The following GRAMD2B variants were observed in gnomAD, a reference collection of about 807,000 sequenced individuals.
GRAMD2B encodes GRAM domain containing 2B.
A neutral mutation model predicts 59.2 loss-of-function variants in GRAMD2B; 41 were observed. The ratio of observed to expected loss-of-function variants is 0.69; its 90% confidence interval spans 0.54 to 0.90. The LOEUF (loss-of-function observed/expected upper bound fraction) is 0.90, where lower values mean the gene tolerates loss of function less well. GRAMD2B is among the 40% of genes least tolerant of loss of function. The pLI, the probability that GRAMD2B is intolerant of heterozygous loss-of-function variation, is 0.00. For missense variants in GRAMD2B, 424 were observed against 500.5 expected (o/e 0.85, Z 1.46); for synonymous variants, 161 against 182.7 (o/e 0.88, Z 0.96).
At chr5:126,437,080 A>G (rs1476507870) in intron 1 of GRAMD2B, among the ~76,000 whole-genome samples, 2 of 152,226 alleles carry the variant, frequency 1.3e-5, no homozygotes, top group Non-Finnish European at 2.9e-5. Flanking sequence ...TGGTTTATCT[A>G]TAAGGCACAG....
upstream of GRAMD2B, among the ~76,000 whole-genome samples, chr5:126,421,283 G>A (rs930417125): frequency 5.3e-5 from 8 of 152,158 alleles, no homozygotes; most frequent in African/African-American, 1.2e-4. Flanking sequence ...ATTACTTAGC[G>A]GGGAAAAGTC....
At chr5:126,388,601 C>T (rs1201145585) in intron 1 of GRAMD2B, among the ~76,000 whole-genome samples, 2 of 151,280 alleles carry the variant, frequency 1.3e-5, no homozygotes, top group African/African-American at 4.9e-5. Flanking sequence ...TTATTCCCTA[C>T]ACAATCATCA....
intron 8 of GRAMD2B, among the ~76,000 whole-genome samples, chr5:126,481,204 AAAGAAAGAAAGAAAG>A (rs1174247278): frequency 0.13 from 368 of 2,874 alleles, 5 homozygotes; most frequent in African/African-American, 0.23. Flanking sequence ...AAAAAAAAAA[AAAGAAAGAAAGAAAG>A]AAAGAAAGAA....
At chr5:126,368,457 A>G (rs1754570529), upstream of GRAMD2B, among the ~76,000 whole-genome samples, 1 of 152,264 alleles carries the variant, frequency 6.6e-6, no homozygotes, top group East Asian at 1.9e-4. Context: ...AAGTCCAGCT[A>G]TAACTACTTG....
chr5:126,493,588 A>G lies in GRAMD2B; in HGVS notation c.*632A>G, dbSNP rs1774294434. The G allele has an allele frequency of 6.6e-6, 1 of 151,938 alleles. No individual in the cohort carries two copies. Among genetic ancestry groups the G allele is most frequent in the Non-Finnish European group, 1.5e-5 (1 of 67,986 alleles). 9.4% of individuals were successfully genotyped at this position (151,938 alleles called of 1,614,324 possible). A position where few individuals can be genotyped will look rare whatever the true frequency, so the allele number is the denominator to read the frequency against. On this transcript the variant is annotated 3_prime_UTR_variant, in exon 14 of 14. Coordinates refer to ENST00000285689, the MANE Select transcript of GRAMD2B (RefSeq NM_023927.4). Reference sequence around the variant, plus strand: ...GCAAGGTGAATTTAACATTATGTTTATGTTTTGTTTTGTTGCTGTAACTAA... The same window carrying G: ...GCAAGGTGAATTTAACATTATGTTTGTGTTTTGTTTTGTTGCTGTAACTAA...
intron 1 of GRAMD2B, among the ~76,000 whole-genome samples, chr5:126,444,173 T>C (rs73334444): frequency 0.045 from 6,874 of 152,226 alleles, 506 homozygotes; most frequent in African/African-American, 0.16. Context: ...TGGAGCACAC[T>C]GTGGTAGGGG....
intron 13 of GRAMD2B, among the ~76,000 whole-genome samples, chr5:126,490,780 G>A (rs1361575757): frequency 6.6e-6 from 1 of 152,128 alleles, no homozygotes; most frequent in African/African-American, 2.4e-5. Flanking sequence ...TCACCTTCGG[G>A]GGCCGGTGAT....
chr5:126,467,855 T>C (rs1426077340), intron 2 of GRAMD2B, among the ~76,000 whole-genome samples: 1 of 152,190 alleles, frequency 6.6e-6, no homozygotes, highest in African/African-American at 2.4e-5. Context: ...TGTGGAATCA[T>C]ACACTGTAGT....
chr5:126,380,888 T>G (rs1405327467), intron 1 of GRAMD2B, among the ~76,000 whole-genome samples: 2 of 152,172 alleles, frequency 1.3e-5, no homozygotes, highest in Non-Finnish European at 2.9e-5. Context: ...TGGATGCTTT[T>G]TATTTCTTTC....
At chr5:126,488,103 C>G (rs1365813285) in intron 12 of GRAMD2B, among the ~76,000 whole-genome samples, 1 of 152,144 alleles carries the variant, frequency 6.6e-6, no homozygotes, top group Non-Finnish European at 1.5e-5. Flanking sequence ...AGGTGGCTTA[C>G]ATGTATGCAG....
rs545256375 is a variant in GRAMD2B at position 126,483,517 on chromosome 5, G to A, written c.790G>A (p.Asp264Asn). Reference protein sequence around the residue: ...LDGVVQQRRQDMEGYSSSGSQ... With the variant: ...LDGVVQQRRQNMEGYSSSGSQ... ...TGGAGTGGTTCAACAAAGAAGGCAA[G>A]ACATGGAAGGATATAGCAGTTCTGG... is the stretch of plus-strand genomic sequence containing the variant. Residue 264 changes from aspartate (D) to asparagine (N), a missense_variant, in exon 9 of 14, where the codon GAC becomes AAC. Coordinates refer to ENST00000285689, the MANE Select transcript of GRAMD2B (RefSeq NM_023927.4). 84 of 1,613,380 alleles carry A rather than the reference G, an allele frequency of 5.2e-5. No individual in the cohort carries two copies. The South Asian group carries it at 8.6e-4, about 16-fold the overall frequency.
At chr5:126,426,433 A>G (rs1760634515) in intron 1 of GRAMD2B, among the ~76,000 whole-genome samples, 1 of 152,146 alleles carries the variant, frequency 6.6e-6, no homozygotes, top group African/African-American at 2.4e-5. Context: ...CGCCTCATAG[A>G]ATTTATCTGC....
At chr5:126,367,471 A>AGGAGGG (rs1436005715), upstream of GRAMD2B, among the ~76,000 whole-genome samples, 1 of 150,152 alleles carries the variant, frequency 6.7e-6, no homozygotes, top group African/African-American at 2.5e-5. Context: ...GAGGAGGAGG[A>AGGAGGG]AGTAGAGGAA....
intron 2 of GRAMD2B, among the ~76,000 whole-genome samples, chr5:126,468,187 C>T (rs573363358): frequency 7.9e-5 from 12 of 152,250 alleles, no homozygotes; most frequent in African/African-American, 1.9e-4. Flanking sequence ...TGCGTTTAGC[C>T]GTAGGGTTGA....
chr5:126,366,917 C>T (rs544769695), upstream of GRAMD2B, among the ~76,000 whole-genome samples: 20 of 143,526 alleles, frequency 1.4e-4, no homozygotes, highest in African/African-American at 5.0e-4. Context: ...TGCAGTGGCG[C>T]GATCTCGGCT....
At position 126,481,836 on chromosome 5, in the gene GRAMD2B, C is replaced by T. The variant is rs151118260; in HGVS notation, c.735+1129C>T. Among the ~76,000 whole-genome samples the T allele has an allele frequency of 9.3e-3, 1,421 of 152,050 alleles. 33 individuals carry two copies. The highest frequency in any genetic ancestry group is 0.032 in the African/African-American group (1,332 of 41,444). ...ACAAAAAATTAGCCAGGCCTGGTGACGCATGCCTGTAATCCCAGCTACTCA... is the reference window on the plus strand; with the variant it reads ...ACAAAAAATTAGCCAGGCCTGGTGATGCATGCCTGTAATCCCAGCTACTCA... On this transcript the variant is annotated intron_variant, in intron 8 of 13. Coordinates refer to ENST00000285689, the MANE Select transcript of GRAMD2B (RefSeq NM_023927.4).
rs1731694465 is a variant in GRAMD2B, at chr5:126,407,649, G to T, written c.125+36082G>T. The stretch of plus-strand genomic sequence containing the variant: ...AATAGGGTTCAAATAGGATTCAAAT[G>T]GGGACAGAGGTCACATCTTGTATAT... On this transcript the variant is annotated intron_variant, in intron 1 of 8. Transcript: ENST00000506445. 3.3e-5 allele frequency among the ~76,000 whole-genome samples: 5 copies of T among 152,100 alleles called. No homozygotes were observed. In the South Asian group the frequency reaches 1.0e-3, roughly 32 times the overall value.
intron 1 of GRAMD2B, among the ~76,000 whole-genome samples, chr5:126,410,828 T>C (rs1036519548): frequency 7.2e-5 from 11 of 152,138 alleles, no homozygotes; most frequent in Non-Finnish European, 2.9e-5. Flanking sequence ...ATACGGTATC[T>C]TCTTGTGGTT....
chr5:126,455,744 T>C (rs1266208471), intron 1 of GRAMD2B, among the ~76,000 whole-genome samples: 2 of 152,212 alleles, frequency 1.3e-5, no homozygotes, highest in Non-Finnish European at 2.9e-5. Flanking sequence ...CGTACTGAAA[T>C]ATATTTCTGA....
Sources: gnomAD v4.1 joint callset for allele counts (sites outside exome capture counted in the v4.1 genomes callset) on GRCh38, gnomAD v4.1.1 for gene constraint, MANE v1.5 for transcripts, NCBI Gene and HGNC (gene_info 2026-07-23, HGNC 2026-07-21) for gene names.